DIAPH1: variants seen among roughly 807,000 people sequenced by gnomAD.
DIAPH1 encodes the protein protein diaphanous homolog 1.
Under a neutral mutation model 140.7 loss-of-function variants are expected in DIAPH1, and 46 were observed. The observed-to-expected ratio is 0.33, with a 90% CI of 0.26 to 0.42. The LOEUF is 0.42. DIAPH1 is among the 10% of genes least tolerant of loss of function. The pLI, the probability that DIAPH1 is intolerant of heterozygous loss-of-function variation, is 1.00. For synonymous variants in DIAPH1, 565 were observed against 551.6 expected (o/e 1.02, Z -0.34); for missense variants, 1,310 against 1,558.7 (o/e 0.84, Z 2.69).
At chr5:141,552,895 C>T (rs1177148694) in intron 18 of DIAPH1, among the ~76,000 whole-genome samples, 8 of 152,178 alleles carry the variant, frequency 5.3e-5, no homozygotes, top group Non-Finnish European at 1.0e-4. Context: ...GACTTCAAGC[C>T]TCCAGAACTG....
intron 1 of DIAPH1, among the ~76,000 whole-genome samples, chr5:141,616,468 T>C (rs2099902692): frequency 6.6e-6 from 1 of 152,146 alleles, no homozygotes; most frequent in Admixed American, 6.5e-5. Context: ...TGAGTTCAGT[T>C]TTAGCCTATA....
Position 141,580,841 on chromosome 5 carries a change from G to C in DIAPH1, c.727C>G (p.Leu243Val). 1 of 1,614,204 alleles carries C rather than the reference G, an allele frequency of 6.2e-7. No homozygotes were observed. The change falls in exon 8 of 28, where the codon CTG (leucine) becomes GTG (valine). Residue 243 changes from leucine (L) to valine (V), a missense_variant. Physicochemically the swap from Leu to Val is conservative, Grantham distance 32 (BLOSUM62 1). Around this residue, in one of 3 missense-constraint regions of DIAPH1, gnomAD observed 377 missense variants for 497.1 expected, o/e 0.76. Transcript: ENST00000389054. ...TMLETEEGIL[L>V]LVRAMDPAVP... Reference sequence around the variant, plus strand: ...GCAGGATCCATGGCTCTGACCAGCAGTAGGATTCCTTCTTCTGTCTCCAAC... The same window carrying C: ...GCAGGATCCATGGCTCTGACCAGCACTAGGATTCCTTCTTCTGTCTCCAAC...
intron 18 of DIAPH1, 96 bp from the exon 19 acceptor site, chr5:141,534,529 CCTCT>C (rs1463804006): frequency 2.2e-6 from 2 of 916,750 alleles, no homozygotes; most frequent in African/African-American, 3.2e-5. Context: ...CCCCTCACTT[CCTCT>C]CTATTATAAT....
intron 11 of DIAPH1, among the ~76,000 whole-genome samples, 200 bp from the exon 12 acceptor site, chr5:141,577,791 T>C (rs1352090538): frequency 2.0e-5 from 3 of 152,190 alleles, no homozygotes; most frequent in Non-Finnish European, 4.4e-5. Context: ...GGTGGTACTA[T>C]ACACACAGAG....
intron 16 of DIAPH1, 28 bp from the exon 17 acceptor site, chr5:141,572,068 T>C (rs368436629): frequency 2.3e-5 from 34 of 1,502,698 alleles, no homozygotes; most frequent in Non-Finnish European, 3.1e-5. Flanking sequence ...GTGTTAAGAA[T>C]TAGTAAACTG....
At chr5:141,559,130 C>T (rs2099893123) in intron 18 of DIAPH1, among the ~76,000 whole-genome samples, 1 of 152,094 alleles carries the variant, frequency 6.6e-6, no homozygotes, top group Admixed American at 6.5e-5. Context: ...ACTACATCAA[C>T]TCTCTAATTC....
intron 18 of DIAPH1, among the ~76,000 whole-genome samples, chr5:141,541,407 G>GCT (rs1307185653): frequency 2.0e-5 from 3 of 152,084 alleles, no homozygotes; most frequent in East Asian, 3.9e-4. Flanking sequence ...ATACTTAAGG[G>GCT]CTGTGCACAG....
In DIAPH1 at chr5:141,582,241, T is replaced by C. The variant is rs1025691436; in HGVS notation, c.684+71A>G. Reference sequence around the variant, plus strand: ...GAACCTCATATTCCTAGTTCCTCTTTTGGTTTGCCAATAGAAGAGAAAGAA... The same window carrying C: ...GAACCTCATATTCCTAGTTCCTCTTCTGGTTTGCCAATAGAAGAGAAAGAA... On this transcript the variant is annotated intron_variant, in intron 7 of 27. Transcript: ENST00000389054. 7.1e-6 allele frequency: 8 copies of C among 1,132,008 alleles called. No homozygotes were observed. The African/African-American group carries it at 7.6e-5, about 11-fold the overall frequency. 70.1% of individuals were successfully genotyped at this position (1,132,008 alleles called of 1,614,324 possible).
chr5:141,561,404 G>C (rs1370383814), intron 18 of DIAPH1, among the ~76,000 whole-genome samples: 1 of 149,024 alleles, frequency 6.7e-6, no homozygotes, highest in East Asian at 2.0e-4. Context: ...TTTTCAAAAA[G>C]AAACTGTTAA....
intron 23 of DIAPH1, among the ~76,000 whole-genome samples, chr5:141,527,945 AG>A (rs2099887638): frequency 6.6e-6 from 1 of 152,222 alleles, no homozygotes; most frequent in Non-Finnish European, 1.5e-5. Flanking sequence ...ATGCAGTACT[AG>A]GAACAGAAGA....
chr5:141,516,155 G>C lies in DIAPH1; in HGVS notation c.*696C>G, dbSNP rs2099885651. ...AGGGCATAAAGCGTGGCAGAAGCTG[G>C]GGGCAGGTCCCACACTGTCGCTATG... On this transcript the variant is annotated 3_prime_UTR_variant, in exon 28 of 28. Transcript: ENST00000389054. The C allele has an allele frequency of 6.3e-6, 1 of 157,526 alleles. No individual in the cohort carries two copies. The highest frequency in any genetic ancestry group is 6.0e-5 in the Admixed American group (1 of 16,706). 9.8% of individuals were successfully genotyped at this position (157,526 alleles called of 1,614,324 possible).
chr5:141,523,038 G>A (rs988242880), intron 27 of DIAPH1, among the ~76,000 whole-genome samples: 2 of 152,196 alleles, frequency 1.3e-5, no homozygotes, highest in Non-Finnish European at 2.9e-5. Context: ...ACATAGGCTA[G>A]CATGCTCTAA....
At chr5:141,533,574 T>C (rs976115721) in intron 19 of DIAPH1, among the ~76,000 whole-genome samples, 63 of 152,168 alleles carry the variant, frequency 4.1e-4, no homozygotes, top group African/African-American at 1.4e-3. Context: ...AAGCTGGGCA[T>C]GGTAGCTTAC....
intron 1 of DIAPH1, among the ~76,000 whole-genome samples, chr5:141,593,150 T>A (rs1596398224): frequency 6.6e-6 from 1 of 152,102 alleles, no homozygotes; most frequent in Non-Finnish European, 1.5e-5. Context: ...TCAAAAGGCT[T>A]AGGAATAATT....
chr5:141,601,924 C>A (rs542744231), intron 1 of DIAPH1, among the ~76,000 whole-genome samples: 2 of 152,268 alleles, frequency 1.3e-5, no homozygotes, highest in African/African-American at 4.8e-5. Flanking sequence ...CTGGAGCCCA[C>A]AGGACAATAA....
At chr5:141,587,890 T>C (rs2154596715) in intron 2 of DIAPH1, among the ~76,000 whole-genome samples, 1 of 152,062 alleles carries the variant, frequency 6.6e-6, no homozygotes, top group South Asian at 2.1e-4. Flanking sequence ...TCAACAAGAG[T>C]CACCAATAAG....
intron 18 of DIAPH1, among the ~76,000 whole-genome samples, chr5:141,556,685 T>A (rs1596363201): frequency 6.6e-6 from 1 of 152,096 alleles, no homozygotes; most frequent in African/African-American, 2.4e-5. Context: ...GATCTTCTTT[T>A]TATTTATTTA....
intron 1 of DIAPH1, among the ~76,000 whole-genome samples, chr5:141,597,979 C>T (rs1414440294): frequency 1.3e-5 from 2 of 152,164 alleles, no homozygotes; most frequent in African/African-American, 4.8e-5. Context: ...TAGTACTTGG[C>T]CCTCACTGCA....
At chr5:141,566,231 G>A (rs1407141355) in intron 18 of DIAPH1, among the ~76,000 whole-genome samples, 1 of 152,176 alleles carries the variant, frequency 6.6e-6, no homozygotes. Context: ...GAATGGTTGA[G>A]GTAGGATAGA....
Sources: gnomAD v4.1 joint callset for allele counts (sites outside exome capture counted in the v4.1 genomes callset) on GRCh38, gnomAD v4.1.1 for gene constraint, gnomAD v4.1.1 regional missense constraint, MANE v1.5 for transcripts, NCBI Gene and HGNC (gene_info 2026-07-23, HGNC 2026-07-21) for gene names.